The following DEAF1 variants were observed in gnomAD, a reference collection of about 807,000 sequenced individuals.
DEAF1 encodes deformed epidermal autoregulatory factor 1 homolog.
DEAF1 carries 53 observed loss-of-function variants against 58.9 expected under a neutral mutation model. The observed-to-expected ratio is 0.90, with a 90% confidence interval of 0.72 to 1.13. The LOEUF is 1.13. DEAF1 is among the 50% of genes most tolerant of loss of function. The pLI, the probability that DEAF1 is intolerant of heterozygous loss-of-function variation, is 0.00. For synonymous variants in DEAF1, 385 were observed against 340.4 expected (o/e 1.13, Z -1.44); for missense variants, 685 against 791.4 (o/e 0.87, Z 1.61).
intron 2 of DEAF1, among the ~76,000 whole-genome samples, chr11:690,689 T>G (rs1490348549): frequency 1.3e-5 from 2 of 152,126 alleles, no homozygotes; most frequent in East Asian, 3.9e-4. Flanking sequence ...GAGGTTGCAA[T>G]GAGCCGAGAT....
intron 5 of DEAF1, 37 bp from the exon 6 acceptor site, chr11:685,000 C>T (rs776435175): frequency 6.6e-7 from 1 of 1,514,550 alleles, no homozygotes; most frequent in South Asian, 1.2e-5. Flanking sequence ...ATTAGCAAGT[C>T]AGCCCCTAAA....
chr11:701,396 G>A (rs1261853342), intron 1 of DEAF1, among the ~76,000 whole-genome samples: 2 of 140,274 alleles, frequency 1.4e-5, no homozygotes, highest in Non-Finnish European at 3.0e-5. Flanking sequence ...GTAGAGACGA[G>A]ACAAGGTTTC....
At chr11:703,940 C>T in intron 1 of DEAF1, 1 of 1,244,258 alleles carries the variant, frequency 8.0e-7, no homozygotes, top group Non-Finnish European at 1.0e-6. Context: ...CAAATTCTAG[C>T]TCTGTGTTTT....
chr11:688,193 T>C lies in DEAF1; in HGVS notation c.518-136A>G, dbSNP rs1860679843. ...AACTTCTTGGTCAGGAAAATTCCAA[T>C]GCTTTTACTTAAAATCTATTAATAG... On this transcript the variant is annotated intron_variant, in intron 3 of 11. Transcript: ENST00000382409. The surrounding 1 kb of genome is among the most constrained non-coding windows in gnomAD (Gnocchi z 4.3). The C allele has an allele frequency of 6.6e-7, 1 of 1,520,206 alleles. No individual in the cohort carries two copies. Among genetic ancestry groups the C allele is most frequent in the Non-Finnish European group, 8.9e-7 (1 of 1,121,402 alleles). The allele number at this position is 1,520,206 out of a possible 1,614,324, so 94.2% of individuals were successfully genotyped here.
chr11:644,499 A>G lies in DEAF1; in HGVS notation c.*51T>C, dbSNP rs1858386865. On this transcript the variant is annotated 3_prime_UTR_variant, in exon 12 of 12. Transcript: ENST00000382409. This position sits in a 1 kb window ranked among gnomAD's most constrained non-coding sequence, Gnocchi z 4.3. ...CTCAGGGGGGCCTTCGACCTGCAAA[A>G]GCCTCACAGGAGTGCGAGGGGCCCC... is the stretch of plus-strand genomic sequence containing the variant. 1 of 1,458,990 alleles carries G rather than the reference A, an allele frequency of 6.9e-7. No homozygotes were observed. Among genetic ancestry groups the G allele is most frequent in the South Asian group, 1.2e-5 (1 of 86,354 alleles). The allele number at this position is 1,458,990 out of a possible 1,614,324, so 90.4% of individuals were successfully genotyped here.
intron 1 of DEAF1, among the ~76,000 whole-genome samples, chr11:693,298 C>T (rs1408831223): frequency 3.3e-5 from 5 of 152,152 alleles, no homozygotes; most frequent in Non-Finnish European, 7.3e-5. Context: ...CAGAGTTTAG[C>T]GACGGACGCC....
At chr11:648,744 T>C (rs540267543) in intron 11 of DEAF1, among the ~76,000 whole-genome samples, 18 of 152,288 alleles carry the variant, frequency 1.2e-4, no homozygotes, top group African/African-American at 3.8e-4. Flanking sequence ...TAAATTAAAA[T>C]GTATATTGTA....
upstream of DEAF1, chr11:695,512 A>T: frequency 1.0e-6 from 1 of 969,854 alleles, no homozygotes; most frequent in Admixed American, 4.3e-5. Context: ...CCTCTCAGAG[A>T]GAGCTTAGTG....
chr11:646,750 CTT>C (rs1329057620), intron 11 of DEAF1, among the ~76,000 whole-genome samples: 2 of 151,488 alleles, frequency 1.3e-5, no homozygotes, highest in African/African-American at 4.8e-5. Context: ...TGCTAAAACA[CTT>C]TTGAAAAAAA....
At chr11:691,711 T>TA in intron 1 of DEAF1, 113 bp from the exon 2 acceptor site, 1 of 851,850 alleles carries the variant, frequency 1.2e-6, no homozygotes, top group African/African-American at 1.7e-5. Flanking sequence ...TGTGCCCTTG[T>TA]AACCAGGAAG....
chr11:669,959 C>G lies in DEAF1; in HGVS notation c.1503+4577G>C, dbSNP rs1024883741. The stretch of plus-strand genomic sequence containing the variant: ...AAAAAAAAAAAAAAAAAAAGAAACC[C>G]CATCTTTACAAAAAATACAAAAATT... On this transcript the variant is annotated intron_variant, in intron 10 of 11. Transcript: ENST00000382409. Among the ~76,000 whole-genome samples the G allele has an allele frequency of 1.6e-4, 24 of 149,012 alleles. No homozygotes were observed. The East Asian group carries it at 2.6e-3, about 16-fold the overall frequency.
At chr11:685,373 C>G (rs1450534543) in intron 5 of DEAF1, among the ~76,000 whole-genome samples, 1 of 152,122 alleles carries the variant, frequency 6.6e-6, no homozygotes, top group African/African-American at 2.4e-5. Context: ...CGTAAGCCAC[C>G]GTGCCCAACC....
chr11:655,375 C>T (rs746411693), intron 10 of DEAF1, among the ~76,000 whole-genome samples: 7 of 152,198 alleles, frequency 4.6e-5, no homozygotes, highest in Non-Finnish European at 2.9e-5. Context: ...TTTTAATCAG[C>T]GCATAGGTCA....
intron 6 of DEAF1, among the ~76,000 whole-genome samples, chr11:682,667 T>G (rs138427415): frequency 1.1e-4 from 17 of 152,310 alleles, no homozygotes; most frequent in African/African-American, 4.1e-4. Context: ...AGCCGGGTTC[T>G]GTGTGGGGGG....
At chr11:659,055 G>A (rs1032145189) in intron 10 of DEAF1, among the ~76,000 whole-genome samples, 3 of 152,140 alleles carry the variant, frequency 2.0e-5, no homozygotes, top group Non-Finnish European at 4.4e-5. Context: ...AGTTAATAAT[G>A]TATTCATTAT....
intron 1 of DEAF1, chr11:702,890 T>G: frequency 6.6e-7 from 1 of 1,517,430 alleles, no homozygotes; most frequent in Non-Finnish European, 9.0e-7. Context: ...CTGTGGGCGG[T>G]GGGCTCCAGG....
At chr11:647,070 G>A (rs902628392) in intron 11 of DEAF1, among the ~76,000 whole-genome samples, 55 of 152,146 alleles carry the variant, frequency 3.6e-4, no homozygotes, top group African/African-American at 1.3e-3. Context: ...GAGGCAGGAG[G>A]ATCACTTGAG....
intron 10 of DEAF1, among the ~76,000 whole-genome samples, chr11:672,860 T>G (rs1052800372): frequency 2.0e-5 from 3 of 147,432 alleles, no homozygotes; most frequent in Non-Finnish European, 4.5e-5. Flanking sequence ...AAAAAAAAAT[T>G]TTTTTTAAAT....
At chr11:654,587 A>G (rs1467518270) in intron 10 of DEAF1, 1 of 454,742 alleles carries the variant, frequency 2.2e-6, no homozygotes, top group African/African-American at 2.0e-5. Flanking sequence ...CTGGAAGACC[A>G]GTATGGGCCG....
Sources: allele counts gnomAD v4.1 joint callset (sites outside exome capture counted in the v4.1 genomes callset), GRCh38; gene constraint gnomAD v4.1.1; non-coding constraint Gnocchi (gnomAD v3.1); transcripts MANE v1.5; gene names NCBI Gene and HGNC (gene_info 2026-07-23, HGNC 2026-07-21).